CENPP: variants seen among roughly 807,000 people sequenced by gnomAD.
The protein encoded by CENPP is centromere protein P.
Under a neutral mutation model 35.6 loss-of-function variants are expected in CENPP, and 24 were observed. That is an observed-to-expected ratio of 0.67 (90% CI 0.49 to 0.95). The LOEUF (loss-of-function observed/expected upper bound fraction) is 0.95, where lower values mean the gene tolerates loss of function less well. CENPP is among the 40% of genes least tolerant of loss of function. The probability of loss-of-function intolerance (pLI) is 0.00; values close to 1 mark genes in which losing one functional copy is unlikely to be tolerated. For synonymous variants in CENPP, 120 were observed against 125.5 expected (o/e 0.96, Z 0.29); for missense variants, 332 against 345.3 (o/e 0.96, Z 0.31).
chr9:92,613,262 G>A lies in CENPP; in HGVS notation c.*113G>A. On this transcript the variant is annotated 3_prime_UTR_variant, in exon 8 of 8. Transcript: ENST00000375587. ...AGAAACCACACCCTGAAGACGTGCT[G>A]TCTATGCAGTTATGGCACATTATAT... 8.1e-7 allele frequency: 1 copy of A among 1,242,070 alleles called. No individual in the cohort carries two copies. The highest frequency in any genetic ancestry group is 1.9e-5 in the Admixed American group (1 of 52,658). 76.9% of individuals were successfully genotyped at this position (1,242,070 alleles called of 1,614,324 possible).
intron 5 of CENPP, among the ~76,000 whole-genome samples, chr9:92,474,073 A>C (rs1291948326): frequency 6.6e-6 from 1 of 152,276 alleles, no homozygotes; most frequent in Non-Finnish European, 1.5e-5. Flanking sequence ...GTGCTCCTTC[A>C]TTAGAAGTAT....
At chr9:92,514,833 C>A in intron 5 of CENPP, 1 of 1,611,666 alleles carries the variant, frequency 6.2e-7, no homozygotes, top group East Asian at 2.2e-5. Flanking sequence ...CCTCCTCATC[C>A]TCCTCACCCT....
rs555606334 is a variant in CENPP, at chr9:92,443,025, A to G, written c.564+63166A>G. 1.1e-3 allele frequency among the ~76,000 whole-genome samples: 170 copies of G among 152,290 alleles called. 2 individuals carry two copies. Among genetic ancestry groups the G allele is most frequent in the Middle Eastern group, 6.8e-3 (2 of 294 alleles). On this transcript the variant is annotated intron_variant, in intron 5 of 7. Transcript: ENST00000375587. ...GAACAAGGCAAGAATATCTACTTTCATCACTCCTATTCAGTTTTATACTGG... is the reference window on the plus strand; with the variant it reads ...GAACAAGGCAAGAATATCTACTTTCGTCACTCCTATTCAGTTTTATACTGG...
chr9:92,390,004 A>G (rs1214892003), intron 5 of CENPP: 1 of 1,607,352 alleles, frequency 6.2e-7, no homozygotes, highest in South Asian at 1.1e-5. Flanking sequence ...AAAAAGTACC[A>G]TCTTCTATAT....
chr9:92,496,449 C>T (rs201652423), intron 5 of CENPP: 3 of 1,607,440 alleles, frequency 1.9e-6, no homozygotes, highest in Non-Finnish European at 2.5e-6. Flanking sequence ...TCATCATCCT[C>T]TTCAGCATTG....
chr9:92,556,880 G>A (rs1849735347), intron 5 of CENPP, among the ~76,000 whole-genome samples: 1 of 151,846 alleles, frequency 6.6e-6, no homozygotes, highest in African/African-American at 2.4e-5. Context: ...GGGTTTTTTT[G>A]TTTTTTGCTT....
chr9:92,485,787 C>T (rs1846041439), intron 5 of CENPP, among the ~76,000 whole-genome samples: 1 of 152,156 alleles, frequency 6.6e-6, no homozygotes, highest in Non-Finnish European at 1.5e-5. Context: ...CATCTCGGCC[C>T]CCCAAAGTGC....
chr9:92,384,372 A>G (rs945056063), intron 5 of CENPP: 3 of 152,322 alleles, frequency 2.0e-5, no homozygotes, highest in African/African-American at 7.2e-5. Context: ...CTTGATTTCA[A>G]TACATACTTT....
intron 5 of CENPP, among the ~76,000 whole-genome samples, chr9:92,551,610 G>A (rs1849588654): frequency 6.6e-6 from 1 of 151,714 alleles, no homozygotes; most frequent in African/African-American, 2.4e-5. Flanking sequence ...TGAGATTTTG[G>A]TGTACCCATC....
At chr9:92,494,102 A>C (rs951349913) in intron 5 of CENPP, 1 of 1,597,820 alleles carries the variant, frequency 6.3e-7, no homozygotes, top group African/African-American at 1.3e-5. Context: ...AGGAAAGGCC[A>C]CATCTGATCT....
intron 5 of CENPP, chr9:92,416,953 CAGAG>C (rs1434641269): frequency 6.2e-7 from 1 of 1,613,774 alleles, no homozygotes; most frequent in African/African-American, 1.3e-5. Flanking sequence ...TGTCTTTTAG[CAGAG>C]AATCATGAAG....
At chr9:92,512,257 CAG>C in intron 5 of CENPP, 1 of 519,624 alleles carries the variant, frequency 1.9e-6, no homozygotes, top group Non-Finnish European at 3.5e-6. Context: ...AGAACAAGGA[CAG>C]AATATATATT....
In CENPP at chr9:92,573,800, G is replaced by A. The variant is rs1046082445; in HGVS notation, c.565-37514G>A. ...TACCTACTCAAGCCTCAGCAATGGC[G>A]GATGCCTGTCCCCCAGCCTCGCGGC... On this transcript the variant is annotated intron_variant, in intron 5 of 7. Coordinates refer to ENST00000375587, the MANE Select transcript of CENPP (RefSeq NM_001012267.3). Among the ~76,000 whole-genome samples the A allele has an allele frequency of 1.1e-4, 17 of 152,190 alleles. No individual in the cohort carries two copies. The East Asian group carries it at 1.7e-3, about 16-fold the overall frequency.
chr9:92,381,689 T>C (rs946828258), intron 5 of CENPP, among the ~76,000 whole-genome samples: 2 of 152,214 alleles, frequency 1.3e-5, no homozygotes, highest in Non-Finnish European at 2.9e-5. Context: ...CTGTGAACAT[T>C]AGTGTACTGA....
chr9:92,403,623 G>T, intron 5 of CENPP: 1 of 1,200,460 alleles, frequency 8.3e-7, no homozygotes, highest in Non-Finnish European at 1.0e-6. Context: ...TTATGTATCA[G>T]TGAACATTCT....
rs1841416438 is a variant in CENPP at position 92,350,577 on chromosome 9, A to AT, written c.467+4797dup. ...TCCCTCATCACATGATTAAGAGTTT[A>AT]TTTTTTTGCTCACTTGTTTGATGGA... On this transcript the variant is annotated intron_variant, in intron 4 of 7. Transcript: ENST00000375587. Among the ~76,000 whole-genome samples the AT allele has an allele frequency of 2.6e-5, 4 of 152,234 alleles. No homozygotes were observed. In the East Asian group the frequency reaches 7.7e-4, roughly 29 times the overall value.
chr9:92,515,577 T>C (rs750369924), intron 5 of CENPP, among the ~76,000 whole-genome samples: 3 of 152,220 alleles, frequency 2.0e-5, no homozygotes, highest in Non-Finnish European at 4.4e-5. Flanking sequence ...ACCTTTATAA[T>C]AGATACTGTT....
Position 92,415,332 on chromosome 9 carries a change from A to G in CENPP, c.564+35473A>G, listed in dbSNP as rs765200339. The G allele has an allele frequency of 4.3e-6, 7 of 1,613,640 alleles. No individual in the cohort carries two copies. In the South Asian group the frequency reaches 5.5e-5, roughly 13 times the overall value. ...GACCATTAGTGCTTCGTTGTTCACC[A>G]TAATAAATAGTGTGTATATGAGGGA... On this transcript the variant is annotated intron_variant, in intron 5 of 7. Coordinates refer to ENST00000375587, the MANE Select transcript of CENPP (RefSeq NM_001012267.3).
intron 4 of CENPP, among the ~76,000 whole-genome samples, chr9:92,366,509 T>C (rs999139104): frequency 6.6e-6 from 1 of 152,216 alleles, no homozygotes; most frequent in Non-Finnish European, 1.5e-5. Context: ...CTTTAGTAAG[T>C]ATATGTGCCC....
Sources: allele counts gnomAD v4.1 joint callset (sites outside exome capture counted in the v4.1 genomes callset), GRCh38; gene constraint gnomAD v4.1.1; transcripts MANE v1.5; gene names NCBI Gene and HGNC (gene_info 2026-07-23, HGNC 2026-07-21).